Variants in TNRC6A observed in about 807,000 individuals in gnomAD.
TNRC6A encodes the protein trinucleotide repeat containing adaptor 6A.
TNRC6A carries 44 observed loss-of-function variants against 221.2 expected under a neutral mutation model. That is an observed-to-expected ratio of 0.20 (90% CI 0.16 to 0.26). TNRC6A has a LOEUF of 0.26. TNRC6A is among the 10% of genes least tolerant of loss of function. The pLI is 1.00. For missense variants in TNRC6A, 2,199 were observed against 2,404.4 expected (o/e 0.91, Z 1.79); for synonymous variants, 847 against 838.5 (o/e 1.01, Z -0.18).
intron 2 of TNRC6A, among the ~76,000 whole-genome samples, chr16:24,745,400 A>G (rs941745937): frequency 5.9e-5 from 9 of 152,192 alleles, no homozygotes; most frequent in African/African-American, 2.2e-4. Context: ...GTGGCAATCA[A>G]ATGGGAAAAG....
At chr16:24,643,108 A>T (rs374610058) in intron 2 of TNRC6A, among the ~76,000 whole-genome samples, 11,378 of 49,528 alleles carry the variant, frequency 0.23, 1,048 homozygotes, top group African/African-American at 0.46. Flanking sequence ...ATATATATAT[A>T]AAATATATAT....
intron 1 of TNRC6A, among the ~76,000 whole-genome samples, chr16:24,634,596 C>T (rs1288859889): frequency 1.3e-5 from 2 of 152,082 alleles, no homozygotes; most frequent in Non-Finnish European, 2.9e-5. Flanking sequence ...ATGACTTATT[C>T]GGCCATCGTC....
intron 2 of TNRC6A, chr16:24,662,298 CA>C (rs10713787): frequency 0.66 from 100,126 of 151,282 alleles, 35,046 homozygotes; most frequent in African/African-American, 0.9. Flanking sequence ...TAAAAAAATA[CA>C]AAAAAACTCC....
intron 4 of TNRC6A, among the ~76,000 whole-genome samples, chr16:24,773,109 A>G (rs1444273241): frequency 6.6e-6 from 1 of 152,088 alleles, no homozygotes; most frequent in Non-Finnish European, 1.5e-5. Context: ...TCTCTCTTTT[A>G]TATTTACTAA....
At chr16:24,680,160 G>T (rs2055502290) in intron 2 of TNRC6A, among the ~76,000 whole-genome samples, 1 of 152,016 alleles carries the variant, frequency 6.6e-6, no homozygotes, top group Non-Finnish European at 1.5e-5. Context: ...CAGGTACAGT[G>T]GTTCTTTCCT....
At chr16:24,746,804 T>A (rs1384777886) in intron 2 of TNRC6A, among the ~76,000 whole-genome samples, 2 of 152,112 alleles carry the variant, frequency 1.3e-5, no homozygotes, top group Non-Finnish European at 2.9e-5. Context: ...GTAGGAAAAA[T>A]TGACCATCAA....
intron 2 of TNRC6A, among the ~76,000 whole-genome samples, chr16:24,703,764 T>G (rs1304399637): frequency 6.6e-6 from 1 of 152,110 alleles, no homozygotes; most frequent in Non-Finnish European, 1.5e-5. Context: ...TTAGAGTTGG[T>G]GGGTAATATG....
In TNRC6A at chr16:24,823,887, A is replaced by C; in HGVS notation, c.*80A>C. The C allele has an allele frequency of 5.2e-6, 7 of 1,346,108 alleles. No homozygotes were observed. In the East Asian group the frequency reaches 8.3e-5, roughly 16 times the overall value. 83.4% of individuals were successfully genotyped at this position (1,346,108 alleles called of 1,614,324 possible). Reference sequence around the variant, plus strand: ...TAAGTGGGGCTCGCCGCCTGCAGCCAGGGGCCGCCTGTGGGAACAGCTATT... The same window carrying C: ...TAAGTGGGGCTCGCCGCCTGCAGCCCGGGGCCGCCTGTGGGAACAGCTATT... On this transcript the variant is annotated 3_prime_UTR_variant, in exon 25 of 25. Transcript: ENST00000395799. This position sits in a 1 kb window ranked among gnomAD's most constrained non-coding sequence, Gnocchi z 4.3.
At chr16:24,626,692 C>G (rs1229871432) in intron 1 of TNRC6A, among the ~76,000 whole-genome samples, 1 of 148,460 alleles carries the variant, frequency 6.7e-6, no homozygotes, top group African/African-American at 2.5e-5. Flanking sequence ...CTGTGTCGCC[C>G]AGGCTGGAAT....
At chr16:24,664,801 ACACACACAC>A (rs2055119660) in intron 2 of TNRC6A, 2 of 436,180 alleles carry the variant, frequency 4.6e-6, no homozygotes, top group African/African-American at 4.3e-5. Flanking sequence ...ACACACACAC[ACACACACAC>A]ACAAAACCTA....
rs1029542299 is a variant in TNRC6A at position 24,823,082 on chromosome 16, G to A, written c.5513+69G>A. On this transcript the variant is annotated intron_variant, in intron 24 of 24. Transcript: ENST00000395799. The surrounding 1 kb of genome is among the most constrained non-coding windows in gnomAD (Gnocchi z 4.3). ...GGAGTGTGAGAGCACAGCCTGACCC[G>A]GGGCAGTGCACAGGGTCCTGCGTGG... The A allele has an allele frequency of 1.9e-5, 31 of 1,593,512 alleles. No homozygotes were observed. Among genetic ancestry groups the A allele is most frequent in the Admixed American group, 6.7e-5 (4 of 59,744 alleles).
At chr16:24,782,088 C>T (rs958871626) in intron 5 of TNRC6A, among the ~76,000 whole-genome samples, 5 of 152,326 alleles carry the variant, frequency 3.3e-5, no homozygotes, top group South Asian at 2.1e-4. Flanking sequence ...TCCCAAAGTG[C>T]TGGGATTACA....
chr16:24,791,733 A>G lies in TNRC6A; in HGVS notation c.3091A>G (p.Ser1031Gly). 1.2e-6 allele frequency: 2 copies of G among 1,613,242 alleles called. No individual in the cohort carries two copies. The highest frequency in any genetic ancestry group is 1.7e-6 in the Non-Finnish European group (2 of 1,179,690). ...GAACAAAAACGTCCCAAATGGCAAC[A>G]GCCGTTCAGACCAGCAAGCACAGGT... is the stretch of plus-strand genomic sequence containing the variant. ...MWNKNVPNGN[S>G]RSDQQAQVHQ... Residue 1031 changes from serine to glycine, a missense_variant, in exon 6 of 25, where the codon AGC becomes GGC. This residue lies in a region of TNRC6A where 1,405 missense variants were observed against 1,400.2 expected (regional missense o/e 1.00). Transcript: ENST00000395799.
rs1232095363 is a variant in TNRC6A at position 24,684,768 on chromosome 16, T to G, written n.402+43759T>G. Among the ~76,000 whole-genome samples the G allele has an allele frequency of 2.7e-5, 4 of 150,562 alleles. No individual in the cohort carries two copies. In the East Asian group the frequency reaches 8.1e-4, roughly 30 times the overall value. On this transcript the variant is annotated intron_variant and non_coding_transcript_variant, in intron 2 of 2. Coordinates refer to the TNRC6A transcript ENST00000566108. ...TTACCGTGAGCTGTGATCACATTACTGCACTCCAGCCTGGGCAACAGAGCG... is the reference window on the plus strand; with the variant it reads ...TTACCGTGAGCTGTGATCACATTACGGCACTCCAGCCTGGGCAACAGAGCG...
chr16:24,808,230 A>T (rs1031495630), intron 17 of TNRC6A, among the ~76,000 whole-genome samples: 1 of 152,238 alleles, frequency 6.6e-6, no homozygotes, highest in African/African-American at 2.4e-5. Context: ...TGACATATAA[A>T]TTGGCCACAT....
chr16:24,682,574 C>T (rs933891293), intron 2 of TNRC6A, among the ~76,000 whole-genome samples: 5 of 152,138 alleles, frequency 3.3e-5, no homozygotes, highest in Admixed American at 1.3e-4. Flanking sequence ...GGCAGAAAAC[C>T]GCAAGGATCC....
At chr16:24,617,933 C>A (rs1189127990) in intron 1 of TNRC6A, among the ~76,000 whole-genome samples, 1 of 152,170 alleles carries the variant, frequency 6.6e-6, no homozygotes, top group Non-Finnish European at 1.5e-5. Flanking sequence ...CAGAGTCTCA[C>A]TCTATCGCCC....
intron 2 of TNRC6A, among the ~76,000 whole-genome samples, chr16:24,722,032 C>T (rs763171320): frequency 2.4e-4 from 36 of 151,910 alleles, no homozygotes; most frequent in African/African-American, 6.3e-4. Context: ...TGAGAAGGGG[C>T]GCGAGGGAAT....
chr16:24,812,658 C>G (rs908748483), intron 18 of TNRC6A, among the ~76,000 whole-genome samples: 3 of 152,162 alleles, frequency 2.0e-5, no homozygotes, highest in Non-Finnish European at 2.9e-5. Flanking sequence ...AGCCTAGGAG[C>G]AGTAGGCTAG....
Sources: allele counts gnomAD v4.1 joint callset (sites outside exome capture counted in the v4.1 genomes callset), GRCh38; gene constraint gnomAD v4.1.1; regional missense constraint gnomAD v4.1.1; non-coding constraint Gnocchi (gnomAD v3.1); transcripts MANE v1.5; gene names NCBI Gene and HGNC (gene_info 2026-07-23, HGNC 2026-07-21).